The following ANAPC7 variants were observed in gnomAD, a reference collection of about 807,000 sequenced individuals.
ANAPC7 encodes the protein anaphase-promoting complex subunit 7.
Under a neutral mutation model 63.3 loss-of-function variants are expected in ANAPC7, and 25 were observed. The observed-to-expected ratio is 0.39, with a 90% CI of 0.29 to 0.55. ANAPC7 has a LOEUF of 0.55. Among genes scored for constraint, ANAPC7 ranks in the 20% least tolerant of loss-of-function variants. The pLI is 0.57. For synonymous variants in ANAPC7, 241 were observed against 251.7 expected, an observed-to-expected ratio of 0.96 and a Z score of 0.40; for missense variants, 516 against 691.7, an observed-to-expected ratio of 0.75 and a Z score of 2.85.
chr12:110,380,115 C>T (rs1228105873), intron 8 of ANAPC7, among the ~76,000 whole-genome samples: 1 of 152,218 alleles, frequency 6.6e-6, no homozygotes, highest in Non-Finnish European at 1.5e-5. Flanking sequence ...CTTTAGGAGG[C>T]TGAATTGGGC....
rs984868592 is a variant in ANAPC7, at chr12:110,373,897, G to C, written c.*247C>G. 2.4e-6 allele frequency: 1 copy of C among 409,420 alleles called. No homozygotes were observed. The allele number at this position is 409,420 out of a possible 1,614,324, so 25.4% of individuals were successfully genotyped here. A position where few individuals can be genotyped will look rare whatever the true frequency, so the allele number is the denominator to read the frequency against. On this transcript the variant is annotated 3_prime_UTR_variant, in exon 11 of 11. Transcript: ENST00000455511. ...GGCCCAGAAGCCCCAACATGTGCGT[G>C]GGTCTCGGGGCACTCCCTCAGTCCT...
chr12:110,386,629 A>G (rs1398063707), intron 5 of ANAPC7, 160 bp from the exon 6 acceptor site: 9 of 614,856 alleles, frequency 1.5e-5, no homozygotes, highest in Non-Finnish European at 1.9e-5. Context: ...AAAAAGTTAT[A>G]TAGGACAGGA....
intron 10 of ANAPC7, 88 bp from the exon 11 acceptor site, chr12:110,374,421 T>G: frequency 7.4e-7 from 1 of 1,351,938 alleles, no homozygotes; most frequent in South Asian, 1.4e-5. Flanking sequence ...GGCAGTGAAA[T>G]GACCACACAG....
At chr12:110,384,484 A>C (rs1480260650) in intron 6 of ANAPC7, among the ~76,000 whole-genome samples, 2 of 151,754 alleles carry the variant, frequency 1.3e-5, no homozygotes, top group Non-Finnish European at 2.9e-5. Context: ...GTGGAAATTC[A>C]AGACCAGCCT....
At position 110,388,925 on chromosome 12, in the gene ANAPC7, C is replaced by CA. The variant is rs376571153; in HGVS notation, c.409-303dup. On this transcript the variant is annotated intron_variant, in intron 3 of 10. Transcript: ENST00000455511. ...GAAACCCCGTCTCTACTAAAAAATA[C>CA]AAAAAAATTAGCTGGGCGTGGTGGC... Among the ~76,000 whole-genome samples, 3 of 151,118 alleles carry CA rather than the reference C, an allele frequency of 2.0e-5. 1 individual carries two copies. Among genetic ancestry groups the CA allele is most frequent in the South Asian group, 4.2e-4 (2 of 4,790 alleles).
intron 7 of ANAPC7, 63 bp downstream of exon 7, chr12:110,382,780 A>G: frequency 2.2e-6 from 3 of 1,378,010 alleles, no homozygotes; most frequent in Non-Finnish European, 3.1e-6. Flanking sequence ...TATTCTCTTC[A>G]AGAGCAACCA....
At chr12:110,384,243 A>G (rs1361380081) in intron 6 of ANAPC7, among the ~76,000 whole-genome samples, 1 of 151,904 alleles carries the variant, frequency 6.6e-6, no homozygotes. Context: ...AGAAAGAAAA[A>G]AAAATTAGCC....
chr12:110,374,679 G>C (rs1020223563), intron 10 of ANAPC7, among the ~76,000 whole-genome samples: 15 of 152,054 alleles, frequency 9.9e-5, no homozygotes, highest in African/African-American at 3.6e-4. Flanking sequence ...AAATTCAAAT[G>C]GAATTCCCAG....
intron 3 of ANAPC7, among the ~76,000 whole-genome samples, chr12:110,392,310 T>C (rs922695952): frequency 2.0e-5 from 3 of 152,148 alleles, no homozygotes; most frequent in Non-Finnish European, 4.4e-5. Context: ...GCCACCATCA[T>C]ACTGAAGAAA....
At position 110,387,803 on chromosome 12, in the gene ANAPC7, C is replaced by T. The variant is rs771053134; in HGVS notation, c.610G>A (p.Val204Met). ...ACAAAAGCATACGCTTTGATCCACACAGAGAGCCAGTCCAAGTTAGGCACG... is the reference window on the plus strand; with the variant it reads ...ACAAAAGCATACGCTTTGATCCACATAGAGAGCCAGTCCAAGTTAGGCACG... ...QTVPNLDWLS[V>M]WIKAYAFVHT... The change falls in exon 5 of 11, where the codon GTG (valine) becomes ATG (methionine). Residue 204 changes from valine (V) to methionine (M), a missense_variant. Around this residue, in one of 4 missense-constraint regions of ANAPC7, gnomAD observed 199 missense variants for 249.3 expected, o/e 0.80. Transcript: ENST00000455511. 6.2e-7 allele frequency: 1 copy of T among 1,614,090 alleles called. No homozygotes were observed. The highest frequency in any genetic ancestry group is 8.5e-7 in the Non-Finnish European group (1 of 1,180,046).
At chr12:110,383,875 C>CAAAAAAAAA (rs1159374781) in intron 6 of ANAPC7, among the ~76,000 whole-genome samples, 36 of 50,644 alleles carry the variant, frequency 7.1e-4, no homozygotes, top group African/African-American at 1.0e-3. Flanking sequence ...GACTCCGTCT[C>CAAAAAAAAA]AAAAAAAAAA....
At chr12:110,391,543 G>A (rs1883084440) in intron 3 of ANAPC7, among the ~76,000 whole-genome samples, 1 of 152,144 alleles carries the variant, frequency 6.6e-6, no homozygotes, top group African/African-American at 2.4e-5. Context: ...ATAGGTTTAT[G>A]TTTGAGGCAC....
chr12:110,383,074 G>A (rs978498254), intron 6 of ANAPC7, 114 bp from the exon 7 acceptor site: 8 of 675,058 alleles, frequency 1.2e-5, no homozygotes, highest in South Asian at 2.1e-5. Context: ...CTCCTGCAGG[G>A]GCTAAGCCCT....
At position 110,373,819 on chromosome 12, in the gene ANAPC7, G is replaced by A. The variant is rs28586930; in HGVS notation, c.*325C>T. 1.7e-4 allele frequency: 40 copies of A among 237,092 alleles called. No homozygotes were observed. The highest frequency in any genetic ancestry group is 1.6e-4 in the Non-Finnish European group (20 of 124,614). The allele number at this position is 237,092 out of a possible 1,614,324, so 14.7% of individuals were successfully genotyped here. ...AAACCAATCCATGTCACAGAACACTGTCTATTCCTTGAGCTTTTGGATTTA... is the reference window on the plus strand; with the variant it reads ...AAACCAATCCATGTCACAGAACACTATCTATTCCTTGAGCTTTTGGATTTA... On this transcript the variant is annotated 3_prime_UTR_variant, in exon 11 of 11. Transcript: ENST00000455511.
At chr12:110,377,797 C>T in intron 8 of ANAPC7, 180 bp from the exon 9 acceptor site, 1 of 1,437,772 alleles carries the variant, frequency 7.0e-7, no homozygotes, top group African/African-American at 1.4e-5. Flanking sequence ...AAGTGCTCTT[C>T]CCCAGAGAAC....
intron 3 of ANAPC7, among the ~76,000 whole-genome samples, chr12:110,389,704 G>A (rs59022837): frequency 0.11 from 17,141 of 152,120 alleles, 1,176 homozygotes; most frequent in African/African-American, 0.2. Flanking sequence ...GGCCGAGGTG[G>A]GTGGATTACG....
chr12:110,401,515 A>C (rs1171905412), intron 1 of ANAPC7, among the ~76,000 whole-genome samples: 2 of 152,272 alleles, frequency 1.3e-5, no homozygotes, highest in South Asian at 2.1e-4. Context: ...CTGAAGGAGG[A>C]GGCAACGCTG....
intron 3 of ANAPC7, among the ~76,000 whole-genome samples, chr12:110,391,889 C>A (rs972445112): frequency 3.3e-5 from 5 of 151,906 alleles, no homozygotes; most frequent in East Asian, 1.9e-4. Flanking sequence ...AAGGTCAGAT[C>A]GAGACCATCC....
intron 9 of ANAPC7, 103 bp downstream of exon 9, chr12:110,377,290 C>T: frequency 2.0e-6 from 2 of 993,946 alleles, no homozygotes. Context: ...AAAAGGCACA[C>T]ACCTGTCTAG....
Sources: allele counts gnomAD v4.1 joint callset (sites outside exome capture counted in the v4.1 genomes callset), GRCh38; gene constraint gnomAD v4.1.1; regional missense constraint gnomAD v4.1.1; transcripts MANE v1.5; gene names NCBI Gene and HGNC (gene_info 2026-07-23, HGNC 2026-07-21).